DPYSL5: variants seen among roughly 807,000 people sequenced by gnomAD.
The protein encoded by DPYSL5 is dihydropyrimidinase like 5.
A neutral mutation model predicts 58.4 loss-of-function variants in DPYSL5; 9 were observed. The observed-to-expected ratio is 0.15, with a 90% CI of 0.09 to 0.27. The LOEUF is 0.27. Ranked by LOEUF, DPYSL5 falls within the 10% of genes least tolerant of loss-of-function variation. The probability of loss-of-function intolerance (pLI) is 1.00; values close to 1 mark genes in which losing one functional copy is unlikely to be tolerated. For synonymous variants in DPYSL5, 293 were observed against 301.9 expected, an observed-to-expected ratio of 0.97 and a Z score of 0.31; for missense variants, 499 against 770.6, an observed-to-expected ratio of 0.65 and a Z score of 4.17.
In DPYSL5 at chr2:26,849,456, T is replaced by G. The variant is rs1260552702; in HGVS notation, c.-5+1202T>G. Among the ~76,000 whole-genome samples, 1 of 151,860 alleles carries G rather than the reference T, an allele frequency of 6.6e-6. No individual in the cohort carries two copies. Among genetic ancestry groups the G allele is most frequent in the Non-Finnish European group, 1.5e-5 (1 of 67,926 alleles). ...CTGGGCGTGGCCCTCGGACCGGGGT[T>G]AGGGACCCAGGATGGCAGATCCGGG... On this transcript the variant is annotated intron_variant, in intron 1 of 12. Coordinates refer to ENST00000288699, the MANE Select transcript of DPYSL5 (RefSeq NM_020134.4). The surrounding 1 kb of genome is among the most constrained non-coding windows in gnomAD (Gnocchi z 6.2).
intron 1 of DPYSL5, among the ~76,000 whole-genome samples, chr2:26,862,806 C>T (rs573678272): frequency 7.2e-5 from 11 of 152,258 alleles, no homozygotes; most frequent in East Asian, 1.9e-4. Context: ...GAGGCTGGGA[C>T]GGAGCTGTGC....
chr2:26,852,407 G>A (rs187583833), intron 1 of DPYSL5, among the ~76,000 whole-genome samples: 2 of 152,216 alleles, frequency 1.3e-5, no homozygotes, highest in Non-Finnish European at 2.9e-5. Flanking sequence ...TGGTATTTAT[G>A]TATAAAAGTG....
rs1349539501 is a variant in DPYSL5 at position 26,898,054 on chromosome 2, G to T, written c.-4-442G>T. 6.6e-6 allele frequency among the ~76,000 whole-genome samples: 1 copy of T among 152,088 alleles called. No individual in the cohort carries two copies. The highest frequency in any genetic ancestry group is 1.5e-5 in the Non-Finnish European group (1 of 68,002). ...TTTTCAGGATACCGTGCAGTGTAAG[G>T]GAGACATTTGTTGTATAAGACATGT... On this transcript the variant is annotated intron_variant, in intron 1 of 12. Transcript: ENST00000288699. This position sits in a 1 kb window ranked among gnomAD's most constrained non-coding sequence, Gnocchi z 6.1.
At position 26,946,084 on chromosome 2, in the gene DPYSL5, C is replaced by T. The variant is rs569299864; in HGVS notation, c.1610-826C>T. 7.2e-5 allele frequency among the ~76,000 whole-genome samples: 11 copies of T among 152,302 alleles called. No individual in the cohort carries two copies. In the East Asian group the frequency reaches 1.7e-3, roughly 24 times the overall value. Reference sequence around the variant, plus strand: ...GCCATGAGTGAAGTCAGAAAGGGACCCTGGCATGGAAGACTTGTTTATGCA... The same window carrying T: ...GCCATGAGTGAAGTCAGAAAGGGACTCTGGCATGGAAGACTTGTTTATGCA... On this transcript the variant is annotated intron_variant, in intron 12 of 12. Transcript: ENST00000288699.
chr2:26,859,779 C>T (rs941182641), intron 1 of DPYSL5, among the ~76,000 whole-genome samples: 5 of 152,260 alleles, frequency 3.3e-5, no homozygotes, highest in South Asian at 4.2e-4. Context: ...TATCTGGTAA[C>T]AGAGTGCAAA....
At chr2:26,921,600 G>GT (rs1292281634) in intron 2 of DPYSL5, among the ~76,000 whole-genome samples, 1 of 152,174 alleles carries the variant, frequency 6.6e-6, no homozygotes, top group Non-Finnish European at 1.5e-5. Context: ...CATCCTGTGG[G>GT]TTGGAATGGT....
chr2:26,921,476 T>C lies in DPYSL5; in HGVS notation c.262-3411T>C, dbSNP rs144196686. Among the ~76,000 whole-genome samples, 11 of 152,320 alleles carry C rather than the reference T, an allele frequency of 7.2e-5. No homozygotes were observed. In the East Asian group the frequency reaches 1.5e-3, roughly 21 times the overall value. ...CCTTTTGAAAGCCTCGGGAACACAA[T>C]TGGGCTGTGCCTTGCTGCCGATTTC... On this transcript the variant is annotated intron_variant, in intron 2 of 12. Transcript: ENST00000288699.
At chr2:26,926,234 C>T (rs1276844306) in intron 3 of DPYSL5, among the ~76,000 whole-genome samples, 1 of 152,170 alleles carries the variant, frequency 6.6e-6, no homozygotes, top group Non-Finnish European at 1.5e-5. Flanking sequence ...TAGAAGACCT[C>T]CTCCCGGTTC....
chr2:26,867,858 G>A (rs570863062), intron 1 of DPYSL5, among the ~76,000 whole-genome samples: 5 of 152,174 alleles, frequency 3.3e-5, no homozygotes, highest in Non-Finnish European at 5.9e-5. Context: ...AGTCCTAGGG[G>A]TGAGGTGCTG....
In DPYSL5 at chr2:26,927,867, C is replaced by T. The variant is rs1664866390; in HGVS notation, c.601-388C>T. On this transcript the variant is annotated intron_variant, in intron 4 of 12. Coordinates refer to ENST00000288699, the MANE Select transcript of DPYSL5 (RefSeq NM_020134.4). This position sits in a 1 kb window ranked among gnomAD's most constrained non-coding sequence, Gnocchi z 4.3. ...AAGGATAAGCCTCTGGTGCATTCTC[C>T]TAGGTCTTGGGGTAAGGGCTAGCCT... Among the ~76,000 whole-genome samples, 1 of 152,186 alleles carries T rather than the reference C, an allele frequency of 6.6e-6. No individual in the cohort carries two copies. The highest frequency in any genetic ancestry group is 6.5e-5 in the Admixed American group (1 of 15,278).
intron 8 of DPYSL5, among the ~76,000 whole-genome samples, chr2:26,936,681 G>A (rs1665187727): frequency 6.6e-6 from 1 of 152,154 alleles, no homozygotes. Context: ...GCTGGGCATG[G>A]TGGCTCGCAC....
chr2:26,904,259 G>A (rs77827193), intron 2 of DPYSL5, among the ~76,000 whole-genome samples: 1,696 of 152,312 alleles, frequency 0.011, 19 homozygotes, highest in Non-Finnish European at 0.017. Context: ...TTGGTGCCCA[G>A]CCTTGCCAAC....
At chr2:26,895,460 A>G (rs1201374961) in intron 1 of DPYSL5, among the ~76,000 whole-genome samples, 1 of 152,022 alleles carries the variant, frequency 6.6e-6, no homozygotes, top group African/African-American at 2.4e-5. Context: ...TTTTATATTG[A>G]CAGATAAAAT....
chr2:26,923,188 G>A (rs1393241438), intron 2 of DPYSL5, among the ~76,000 whole-genome samples: 1 of 152,110 alleles, frequency 6.6e-6, no homozygotes, highest in Non-Finnish European at 1.5e-5. Context: ...AATTCTGGCT[G>A]GGTGCAGTGG....
Position 26,934,991 on chromosome 2 carries a change from T to C in DPYSL5, c.947+257T>C, listed in dbSNP as rs2148169397. On this transcript the variant is annotated intron_variant, in intron 8 of 12. Coordinates refer to ENST00000288699, the MANE Select transcript of DPYSL5 (RefSeq NM_020134.4). This position sits in a 1 kb window ranked among gnomAD's most constrained non-coding sequence, Gnocchi z 4.3. ...CTGTGAACCGTGGTTATTCGGAATT[T>C]CAAAGGACATTGATCTCTTACTCTA... Among the ~76,000 whole-genome samples the C allele has an allele frequency of 6.6e-6, 1 of 152,330 alleles. No homozygotes were observed.
rs141877700 is a variant in DPYSL5, at chr2:26,874,651, A to G, written c.-4-23845A>G. Among the ~76,000 whole-genome samples, 639 of 152,348 alleles carry G rather than the reference A, an allele frequency of 4.2e-3. 5 individuals carry two copies. The highest frequency in any genetic ancestry group is 0.015 in the African/African-American group (624 of 41,570). ...GTATGTCTTGAAATAAGGTTTTAAAAAAGCAGGAGGTGTCTGACTTCATGT... is the reference window on the plus strand; with the variant it reads ...GTATGTCTTGAAATAAGGTTTTAAAGAAGCAGGAGGTGTCTGACTTCATGT... On this transcript the variant is annotated intron_variant, in intron 1 of 12. Transcript: ENST00000288699.
At chr2:26,913,445 T>A (rs1486734109) in intron 2 of DPYSL5, among the ~76,000 whole-genome samples, 1 of 152,222 alleles carries the variant, frequency 6.6e-6, no homozygotes, top group African/African-American at 2.4e-5. Flanking sequence ...CAGAATGTCC[T>A]TCCTTTTTAA....
chr2:26,862,179 G>T (rs374212907), intron 1 of DPYSL5, among the ~76,000 whole-genome samples: 5 of 152,346 alleles, frequency 3.3e-5, no homozygotes, highest in East Asian at 3.9e-4. Flanking sequence ...CACAGAGTGT[G>T]AGGAAATAAG....
Position 26,947,059 on chromosome 2 carries a change from A to T in DPYSL5, c.*64A>T, listed in dbSNP as rs1488631184. 2 of 1,406,250 alleles carry T rather than the reference A, an allele frequency of 1.4e-6. No homozygotes were observed. Among genetic ancestry groups the T allele is most frequent in the Non-Finnish European group, 2.0e-6 (2 of 1,007,504 alleles). The allele number at this position is 1,406,250 out of a possible 1,614,324, so 87.1% of individuals were successfully genotyped here. On this transcript the variant is annotated 3_prime_UTR_variant, in exon 13 of 13. Transcript: ENST00000288699. The surrounding 1 kb of genome is among the most constrained non-coding windows in gnomAD (Gnocchi z 4.2). The stretch of plus-strand genomic sequence containing the variant: ...CCACCAGCCCGCAACTCTCCAGCCG[A>T]AGCTGCAGGGGCAGGAGAGGCTGGG...
Sources: allele counts gnomAD v4.1 joint callset (sites outside exome capture counted in the v4.1 genomes callset), GRCh38; gene constraint gnomAD v4.1.1; non-coding constraint Gnocchi (gnomAD v3.1); transcripts MANE v1.5; gene names NCBI Gene and HGNC (gene_info 2026-07-23, HGNC 2026-07-21).